Variants in PLAC8 observed in about 807,000 individuals in gnomAD.
PLAC8 encodes placenta associated 8, also known as placenta-specific gene 8 protein.
In PLAC8, 6 loss-of-function variants were observed where a neutral mutation model predicts 12.6. The ratio of observed to expected loss-of-function variants is 0.48; its 90% CI spans 0.26 to 0.94. The LOEUF is 0.94. Among genes scored for constraint, PLAC8 ranks in the 40% least tolerant of loss-of-function variants. The probability of loss-of-function intolerance (pLI) is 0.14; values close to 1 mark genes in which losing one functional copy is unlikely to be tolerated. For missense variants in PLAC8, 122 were observed against 152.7 expected (o/e 0.80, Z 1.06); for synonymous variants, 54 against 52.6 (o/e 1.03, Z -0.11).
rs1731773481 is a variant in PLAC8, at chr4:83,090,222, G to T, written c.*759C>A. On this transcript the variant is annotated 3_prime_UTR_variant, in exon 5 of 5. Coordinates refer to ENST00000311507, the MANE Select transcript of PLAC8 (RefSeq NM_016619.3). ...GGCCCGGAGTTCAAGACCAGCCTGG[G>T]CAACATAGAAAGACCCCCAACTCTA... The T allele has an allele frequency of 2.0e-5, 3 of 151,926 alleles. No homozygotes were observed. In the South Asian group the frequency reaches 6.3e-4, roughly 32 times the overall value. 9.4% of individuals were successfully genotyped at this position (151,926 alleles called of 1,614,324 possible).
At chr4:83,100,132 A>T (rs561893920) in intron 3 of PLAC8, among the ~76,000 whole-genome samples, 6 of 151,576 alleles carry the variant, frequency 4.0e-5, no homozygotes, top group Admixed American at 1.3e-4. Flanking sequence ...ATACAAAAAA[A>T]TAGCCAGGCG....
intron 2 of PLAC8, among the ~76,000 whole-genome samples, chr4:83,106,933 C>T (rs1181195340): frequency 6.6e-6 from 1 of 152,190 alleles, no homozygotes; most frequent in African/African-American, 2.4e-5. Context: ...GGTGCGGTGG[C>T]TCACGCTTGT....
chr4:83,102,922 T>C (rs1732139672), intron 3 of PLAC8, among the ~76,000 whole-genome samples: 2 of 150,062 alleles, frequency 1.3e-5, no homozygotes, highest in African/African-American at 2.5e-5. Flanking sequence ...CCGTCTCTAC[T>C]AAAAATACAA....
At chr4:83,094,929 C>A (rs1426671562) in intron 3 of PLAC8, 138 bp from the exon 4 acceptor site, 1 of 486,920 alleles carries the variant, frequency 2.1e-6, no homozygotes, top group Non-Finnish European at 3.7e-6. Flanking sequence ...AAAATATTAC[C>A]TCACTTTTTC....
chr4:83,113,963 A>G (rs1732478224), intron 1 of PLAC8, among the ~76,000 whole-genome samples: 1 of 150,600 alleles, frequency 6.6e-6, no homozygotes, highest in South Asian at 2.1e-4. Context: ...AATATAATAC[A>G]TGATATTAAT....
In PLAC8 at chr4:83,100,068, A is replaced by G. The variant is rs190350623; in HGVS notation, c.243+4828T>C. On this transcript the variant is annotated intron_variant, in intron 3 of 4. Coordinates refer to ENST00000311507, the MANE Select transcript of PLAC8 (RefSeq NM_016619.3). ...GGCAGATCACAAGGTCAGGAGATCG[A>G]GACCATCTTGCCTAACATCCTGCCT... Among the ~76,000 whole-genome samples, 6 of 150,946 alleles carry G rather than the reference A, an allele frequency of 4.0e-5. 1 individual carries two copies. In the East Asian group the frequency reaches 7.8e-4, roughly 20 times the overall value.
intron 3 of PLAC8, among the ~76,000 whole-genome samples, chr4:83,100,041 C>T (rs527900550): frequency 5.4e-4 from 81 of 149,824 alleles, no homozygotes; most frequent in African/African-American, 1.7e-3. Flanking sequence ...GCGCGCGAGG[C>T]GGGCAGATCA....
intron 4 of PLAC8, among the ~76,000 whole-genome samples, chr4:83,092,541 T>A (rs1370135766): frequency 6.6e-6 from 1 of 151,174 alleles, no homozygotes; most frequent in East Asian, 2.0e-4. Context: ...ATGCCCAGCC[T>A]TAGATTCATA....
chr4:83,105,485 G>A (rs2126142769), intron 2 of PLAC8, among the ~76,000 whole-genome samples: 1 of 152,306 alleles, frequency 6.6e-6, no homozygotes, highest in East Asian at 1.9e-4. Context: ...TGTTTTAAAG[G>A]TGGACAAAAA....
chr4:83,105,597 T>C (rs1299235324), intron 2 of PLAC8, among the ~76,000 whole-genome samples: 1 of 152,024 alleles, frequency 6.6e-6, no homozygotes, highest in Non-Finnish European at 1.5e-5. Context: ...TAACTGGGGG[T>C]TGAGGCAGGT....
rs2126142663 is a variant in PLAC8 at position 83,104,972 on chromosome 4, G to C, written c.167C>G (p.Ala56Gly). The change falls in exon 3 of 5, where the codon GCT becomes GGT. Residue 56 changes from alanine (A) to glycine (G), a missense_variant. Coordinates refer to ENST00000311507, the MANE Select transcript of PLAC8 (RefSeq NM_016619.3). The stretch of plus-strand genomic sequence containing the variant: ...ACACAGACAGCATTCATTCATATCA[G>C]CTGCAACTTGACACCCAAGGCACGG... ...CFPCLGCQVAADMNECCLCGT... is the reference protein window; with the variant it reads ...CFPCLGCQVAGDMNECCLCGT... 2 of 1,614,092 alleles carry C rather than the reference G, an allele frequency of 1.2e-6. No individual in the cohort carries two copies. Among genetic ancestry groups the C allele is most frequent in the East Asian group, 4.5e-5 (2 of 44,878 alleles).
At chr4:83,097,927 C>T (rs1001941118) in intron 3 of PLAC8, among the ~76,000 whole-genome samples, 1 of 144,360 alleles carries the variant, frequency 6.9e-6, no homozygotes, top group Non-Finnish European at 1.5e-5. Flanking sequence ...GGCGTGATCT[C>T]GGCTCACCGC....
rs560004798 is a variant in PLAC8, at chr4:83,113,189, A to G, written c.-30+1477T>C. ...CCCTTATGCCATAGGCTTTTGTCCT[A>G]TGAACTAGAAAAACGTGGCCCTTCT... On this transcript the variant is annotated intron_variant, in intron 1 of 4. Coordinates refer to ENST00000311507, the MANE Select transcript of PLAC8 (RefSeq NM_016619.3). Among the ~76,000 whole-genome samples, 18 of 152,318 alleles carry G rather than the reference A, an allele frequency of 1.2e-4. No homozygotes were observed. The South Asian group carries it at 2.3e-3, about 19-fold the overall frequency.
At chr4:83,093,060 G>A (rs1731845474) in intron 4 of PLAC8, 1 of 152,108 alleles carries the variant, frequency 6.6e-6, no homozygotes, top group Admixed American at 6.6e-5. Context: ...GCCTCCCAAA[G>A]TGCTGGGATC....
chr4:83,111,727 C>A (rs1440611084), intron 1 of PLAC8, among the ~76,000 whole-genome samples: 1 of 152,144 alleles, frequency 6.6e-6, no homozygotes, highest in Non-Finnish European at 1.5e-5. Context: ...ATAAAAACCA[C>A]CCTGCAATTA....
Position 83,113,991 on chromosome 4 carries a change from ATAT to A in PLAC8, c.-30+672_-30+674del, listed in dbSNP as rs1483747592. ...ATATTAATTATAGTAATATTAATACATATTATTAATATTGATTAATCCAGATAC... is the reference window on the plus strand; with the variant it reads ...ATATTAATTATAGTAATATTAATACATATTAATATTGATTAATCCAGATAC... On this transcript the variant is annotated intron_variant, in intron 1 of 4. Coordinates refer to ENST00000311507, the MANE Select transcript of PLAC8 (RefSeq NM_016619.3). 4.6e-5 allele frequency among the ~76,000 whole-genome samples: 7 copies of A among 150,660 alleles called. No individual in the cohort carries two copies. In the East Asian group the frequency reaches 5.8e-4, roughly 13 times the overall value.
At chr4:83,093,304 T>C (rs1731850980) in intron 4 of PLAC8, 1 of 152,212 alleles carries the variant, frequency 6.6e-6, no homozygotes, top group Admixed American at 6.5e-5. Context: ...GGGTACTTTT[T>C]CAGTTCTATG....
intron 3 of PLAC8, among the ~76,000 whole-genome samples, chr4:83,095,480 C>T (rs1731903736): frequency 6.6e-6 from 1 of 152,076 alleles, no homozygotes; most frequent in African/African-American, 2.4e-5. Flanking sequence ...ATCATATTTA[C>T]TATATGACTC....
chr4:83,105,156 T>C, intron 2 of PLAC8, 136 bp from the exon 3 acceptor site: 1 of 931,094 alleles, frequency 1.1e-6, no homozygotes. Flanking sequence ...CCATCTTCAA[T>C]GTTTCTATTC....
Sources: gnomAD v4.1 joint callset for allele counts (sites outside exome capture counted in the v4.1 genomes callset) on GRCh38, gnomAD v4.1.1 for gene constraint, MANE v1.5 for transcripts, NCBI Gene and HGNC (gene_info 2026-07-23, HGNC 2026-07-21) for gene names.